Variants in FANK1 observed in about 807,000 individuals in gnomAD.
The protein encoded by FANK1 is fibronectin type 3 and ankyrin repeat domains protein 1.
A neutral mutation model predicts 45.3 loss-of-function variants in FANK1; 44 were observed. That is an observed-to-expected ratio of 0.97 (90% CI 0.76 to 1.25). FANK1 has a LOEUF of 1.25. Ranked by LOEUF, FANK1 falls within the 50% of genes most tolerant of loss-of-function variation. The pLI, the probability that FANK1 is intolerant of heterozygous loss-of-function variation, is 0.00. For synonymous variants in FANK1, 149 were observed against 152.5 expected (o/e 0.98, Z 0.17); for missense variants, 391 against 424.4 (o/e 0.92, Z 0.69).
chr10:125,946,561 A>G (rs1209695708), intron 1 of FANK1, among the ~76,000 whole-genome samples: 1 of 151,630 alleles, frequency 6.6e-6, no homozygotes, highest in African/African-American at 2.4e-5. Context: ...TTAGAGAAAA[A>G]AGAATAAAAA....
intron 1 of FANK1, among the ~76,000 whole-genome samples, chr10:125,909,420 A>G (rs1189730841): frequency 6.7e-6 from 1 of 150,206 alleles, no homozygotes; most frequent in Non-Finnish European, 1.5e-5. Flanking sequence ...CATTGATTTC[A>G]CTTTTATCCT....
intron 1 of FANK1, among the ~76,000 whole-genome samples, chr10:125,929,512 A>T (rs1203127827): frequency 1.3e-5 from 2 of 152,220 alleles, no homozygotes; most frequent in African/African-American, 4.8e-5. Context: ...AGGTGCTCTC[A>T]GGTTGAAGTC....
chr10:126,005,453 A>G (rs983959354), intron 7 of FANK1, among the ~76,000 whole-genome samples: 6 of 151,976 alleles, frequency 3.9e-5, no homozygotes, highest in African/African-American at 1.5e-4. Flanking sequence ...GACTACAGGC[A>G]CATGCCACCA....
chr10:125,928,342 T>C (rs945206435), intron 1 of FANK1, among the ~76,000 whole-genome samples: 1 of 149,972 alleles, frequency 6.7e-6, no homozygotes, highest in Non-Finnish European at 1.5e-5. Flanking sequence ...GTGGTGCTAG[T>C]GGGAGTGTAG....
chr10:125,994,362 C>T (rs1287645420), intron 3 of FANK1: 7 of 983,136 alleles, frequency 7.1e-6, no homozygotes, highest in Non-Finnish European at 8.5e-6. Context: ...CAGGACTTGG[C>T]ATGTACATTA....
chr10:125,955,942 A>G (rs1433634155), intron 1 of FANK1, among the ~76,000 whole-genome samples: 2 of 152,212 alleles, frequency 1.3e-5, no homozygotes, highest in Non-Finnish European at 1.5e-5. Context: ...AAGGAAAATG[A>G]AAAGAACTTA....
chr10:125,940,745 G>A (rs118139915), intron 1 of FANK1, among the ~76,000 whole-genome samples: 5,877 of 152,322 alleles, frequency 0.039, 174 homozygotes, highest in Non-Finnish European at 0.058. Context: ...ACCTTGGCCA[G>A]TACCCAGGCT....
chr10:125,965,588 C>T (rs112254163), intron 1 of FANK1, among the ~76,000 whole-genome samples: 2,718 of 152,294 alleles, frequency 0.018, 83 homozygotes, highest in African/African-American at 0.062. Context: ...TTGCTCTCCA[C>T]TTATCAGTTC....
At chr10:125,976,298 A>T (rs1950849039) in intron 1 of FANK1, among the ~76,000 whole-genome samples, 1 of 152,144 alleles carries the variant, frequency 6.6e-6, no homozygotes, top group African/African-American at 2.4e-5. Flanking sequence ...CTTGAAGATG[A>T]TCTTCTTGTG....
At chr10:125,969,132 TAAG>T (rs1355965388) in intron 1 of FANK1, among the ~76,000 whole-genome samples, 2 of 152,156 alleles carry the variant, frequency 1.3e-5, no homozygotes, top group African/African-American at 2.4e-5. Flanking sequence ...ACTTTTAAAA[TAAG>T]AAATATTTGT....
At chr10:125,931,206 A>T (rs1947732011) in intron 1 of FANK1, among the ~76,000 whole-genome samples, 1 of 152,192 alleles carries the variant, frequency 6.6e-6, no homozygotes, top group Non-Finnish European at 1.5e-5. Flanking sequence ...TTGAATAATG[A>T]CTTCTTTTCC....
intron 1 of FANK1, among the ~76,000 whole-genome samples, chr10:125,944,777 C>A (rs901914925): frequency 4.6e-5 from 7 of 152,218 alleles, no homozygotes; most frequent in Admixed American, 2.0e-4. Context: ...CCATCCCTTC[C>A]TTTCCCATAA....
chr10:125,945,083 A>G (rs937288138), intron 1 of FANK1, among the ~76,000 whole-genome samples: 3 of 152,154 alleles, frequency 2.0e-5, no homozygotes, highest in Non-Finnish European at 4.4e-5. Context: ...AAAGTGCATT[A>G]TAATTAATTT....
chr10:125,987,545 AC>A (rs1951646307), intron 2 of FANK1, among the ~76,000 whole-genome samples: 1 of 151,948 alleles, frequency 6.6e-6, no homozygotes, highest in African/African-American at 2.4e-5. Context: ...ACACACACAC[AC>A]ACCCTCTCAA....
intron 3 of FANK1, among the ~76,000 whole-genome samples, chr10:125,993,500 C>T (rs1054645944): frequency 6.6e-6 from 1 of 152,192 alleles, no homozygotes; most frequent in Non-Finnish European, 1.5e-5. Context: ...GTGTCCTGTG[C>T]ACTTATGGAT....
At chr10:125,908,288 G>A (rs565806441) in intron 1 of FANK1, among the ~76,000 whole-genome samples, 1 of 152,264 alleles carries the variant, frequency 6.6e-6, no homozygotes, top group African/African-American at 2.4e-5. Context: ...GAGCCACTGT[G>A]CCTGGCCTTT....
At chr10:125,921,250 T>C (rs1271477734) in intron 1 of FANK1, among the ~76,000 whole-genome samples, 2 of 152,258 alleles carry the variant, frequency 1.3e-5, no homozygotes, top group Non-Finnish European at 2.9e-5. Context: ...TGGCAATCAC[T>C]GATCTGTGTT....
intron 1 of FANK1, among the ~76,000 whole-genome samples, chr10:125,945,238 G>A (rs377735755): frequency 6.6e-6 from 1 of 152,166 alleles, no homozygotes; most frequent in African/African-American, 2.4e-5. Flanking sequence ...AAAACAACTG[G>A]GGGGAGGAGC....
intron 1 of FANK1, among the ~76,000 whole-genome samples, chr10:125,901,778 G>C (rs1945056989): frequency 6.6e-6 from 1 of 152,096 alleles, no homozygotes. Flanking sequence ...TTCTATCTCT[G>C]CGCTTTTCTC....
Sources: gnomAD v4.1 joint callset for allele counts (sites outside exome capture counted in the v4.1 genomes callset) on GRCh38, gnomAD v4.1.1 for gene constraint, MANE v1.5 for transcripts, NCBI Gene and HGNC (gene_info 2026-07-23, HGNC 2026-07-21) for gene names.